UTP6: variants seen among roughly 807,000 people sequenced by gnomAD.
The protein encoded by UTP6 is U3 small nucleolar RNA-associated protein 6 homolog.
UTP6 carries 60 observed loss-of-function variants against 96.5 expected under a neutral mutation model. The observed-to-expected ratio is 0.62, with a 90% CI of 0.51 to 0.77. UTP6 has a LOEUF of 0.77. Ranked by LOEUF, UTP6 falls within the 30% of genes least tolerant of loss-of-function variation. UTP6 has a pLI of 0.00. For synonymous variants in UTP6, 215 were observed against 240.1 expected, an observed-to-expected ratio of 0.90 and a Z score of 0.96; for missense variants, 637 against 706.5, an observed-to-expected ratio of 0.90 and a Z score of 1.12.
Position 31,862,138 on chromosome 17 carries a change from A to T in UTP6, c.*1221T>A, listed in dbSNP as rs1341678686. ...ATGAAACCCCCGCACTACTAAAAAT[A>T]CAAAAATTGGCTGGGCGCGGTGGCG... On this transcript the variant is annotated 3_prime_UTR_variant, in exon 19 of 19. Transcript: ENST00000261708. 6.6e-6 allele frequency: 1 copy of T among 152,226 alleles called. No homozygotes were observed. The highest frequency in any genetic ancestry group is 1.5e-5 in the Non-Finnish European group (1 of 68,054). The allele number at this position is 152,226 out of a possible 1,614,324, so 9.4% of individuals were successfully genotyped here.
intron 16 of UTP6, among the ~76,000 whole-genome samples, chr17:31,868,507 T>G (rs1909971731): frequency 6.6e-6 from 1 of 151,798 alleles, no homozygotes; most frequent in African/African-American, 2.4e-5. Context: ...TTTTTGAAAT[T>G]TTTTGTAGAG....
At chr17:31,880,927 G>C (rs1253798319) in intron 10 of UTP6, among the ~76,000 whole-genome samples, 173 bp from the exon 11 acceptor site, 1 of 152,192 alleles carries the variant, frequency 6.6e-6, no homozygotes, top group East Asian at 1.9e-4. Context: ...TGGGAGACCA[G>C]CACTTTGGGA....
chr17:31,872,617 G>A (rs1341274152), intron 16 of UTP6, among the ~76,000 whole-genome samples: 5 of 151,758 alleles, frequency 3.3e-5, no homozygotes, highest in Admixed American at 2.0e-4. Flanking sequence ...TCAAGGCTTC[G>A]GTGAACCATG....
At chr17:31,881,208 GA>G (rs1179958522) in intron 10 of UTP6, among the ~76,000 whole-genome samples, 1 of 149,236 alleles carries the variant, frequency 6.7e-6, no homozygotes, top group African/African-American at 2.5e-5. Flanking sequence ...AGGCTCTCCA[GA>G]ATATGTTCAC....
intron 9 of UTP6, among the ~76,000 whole-genome samples, chr17:31,884,742 C>CAT (rs3084039): frequency 0.88 from 133,550 of 152,030 alleles, 58,937 homozygotes; most frequent in African/African-American, 0.97. Context: ...CAACTCCCCA[C>CAT]GATTTAATTA....
intron 14 of UTP6, among the ~76,000 whole-genome samples, chr17:31,874,774 T>C (rs974469197): frequency 3.3e-5 from 5 of 151,372 alleles, no homozygotes; most frequent in Non-Finnish European, 1.5e-5. Context: ...TCTACTAAAA[T>C]AGAAAATATT....
intron 13 of UTP6, among the ~76,000 whole-genome samples, chr17:31,876,817 G>C (rs1359790117): frequency 2.0e-5 from 3 of 151,772 alleles, no homozygotes; most frequent in African/African-American, 7.3e-5. Flanking sequence ...CTCAAGACCA[G>C]CTTAGCCAAC....
intron 2 of UTP6, among the ~76,000 whole-genome samples, chr17:31,898,258 C>T (rs981981954): frequency 3.9e-5 from 6 of 152,002 alleles, no homozygotes; most frequent in East Asian, 1.9e-4. Context: ...TGATGTTGGC[C>T]GGGCGTGGTG....
chr17:31,884,632 AG>A, intron 9 of UTP6, 127 bp from the exon 10 acceptor site: 1 of 728,240 alleles, frequency 1.4e-6, no homozygotes, highest in Admixed American at 3.1e-5. Flanking sequence ...AGAATAAAAT[AG>A]AAGAAAAGTC....
chr17:31,880,866 T>C lies in UTP6; in HGVS notation c.786-112A>G, dbSNP rs1285142516. ...CTACACAGGACATCCCTGTAACAAC[T>C]GCAGTACCATAAAAACTATTTCCCA... On this transcript the variant is annotated intron_variant, in intron 10 of 18. Transcript: ENST00000261708. The C allele has an allele frequency of 9.9e-6, 14 of 1,415,126 alleles. No individual in the cohort carries two copies. The South Asian group carries it at 1.3e-4, about 13-fold the overall frequency. 87.7% of individuals were successfully genotyped at this position (1,415,126 alleles called of 1,614,324 possible).
chr17:31,890,625 A>AG (rs1911434817), intron 6 of UTP6, among the ~76,000 whole-genome samples: 2 of 150,330 alleles, frequency 1.3e-5, no homozygotes, highest in South Asian at 4.2e-4. Flanking sequence ...GTCAAAAAAA[A>AG]AAGTCCAGAA....
intron 17 of UTP6, 99 bp from the exon 18 acceptor site, chr17:31,865,537 G>A: frequency 8.4e-7 from 1 of 1,188,776 alleles, no homozygotes; most frequent in Admixed American, 2.0e-5. Flanking sequence ...TCAGGTATTT[G>A]AAGGGAAGAG....
chr17:31,894,285 G>A (rs72821933), intron 4 of UTP6, among the ~76,000 whole-genome samples: 4,992 of 124,556 alleles, frequency 0.04, 91 homozygotes, highest in Non-Finnish European at 0.042. Context: ...AAAAAAAAAA[G>A]AAAAAAAAAA....
At position 31,863,133 on chromosome 17, in the gene UTP6, G is replaced by A. The variant is rs1909617179; in HGVS notation, c.*226C>T. 2 of 501,116 alleles carry A rather than the reference G, an allele frequency of 4.0e-6. No homozygotes were observed. Among genetic ancestry groups the A allele is most frequent in the African/African-American group, 1.9e-5 (1 of 52,138 alleles). The allele number at this position is 501,116 out of a possible 1,614,324, so 31.0% of individuals were successfully genotyped here. A position where few individuals can be genotyped will look rare whatever the true frequency, so the allele number is the denominator to read the frequency against. ...AGGTGAGAAGGTCACTTGAGTCCAG[G>A]AGTTCAAGACCAGCCAGGGCAACAG... On this transcript the variant is annotated 3_prime_UTR_variant, in exon 19 of 19. Transcript: ENST00000261708.
intron 3 of UTP6, 39 bp downstream of exon 3, chr17:31,894,931 C>G: frequency 6.5e-7 from 1 of 1,527,702 alleles, no homozygotes; most frequent in Non-Finnish European, 9.0e-7. Context: ...CTGCTTAGTT[C>G]TGTATTTTTC....
chr17:31,881,591 TGA>T (rs1303094235), intron 10 of UTP6, among the ~76,000 whole-genome samples: 2 of 152,212 alleles, frequency 1.3e-5, no homozygotes, highest in African/African-American at 4.8e-5. Flanking sequence ...CCACATTTAT[TGA>T]GTTTCAGAAT....
chr17:31,863,156 C>T lies in UTP6; in HGVS notation c.*203G>A. ...AGGAGTTCAAGACCAGCCAGGGCAACAGAGCAAGACCCAGTCTCAATCATA... is the reference window on the plus strand; with the variant it reads ...AGGAGTTCAAGACCAGCCAGGGCAATAGAGCAAGACCCAGTCTCAATCATA... On this transcript the variant is annotated 3_prime_UTR_variant, in exon 19 of 19. Coordinates refer to ENST00000261708, the MANE Select transcript of UTP6 (RefSeq NM_018428.3). The T allele has an allele frequency of 1.8e-6, 1 of 551,200 alleles. No individual in the cohort carries two copies. The highest frequency in any genetic ancestry group is 3.1e-6 in the Non-Finnish European group (1 of 318,828). 34.1% of individuals were successfully genotyped at this position (551,200 alleles called of 1,614,324 possible).
chr17:31,901,435 AG>A (rs1185377754), intron 1 of UTP6, 100 bp downstream of exon 1: 2 of 1,120,432 alleles, frequency 1.8e-6, no homozygotes, highest in African/African-American at 3.1e-5. Context: ...CGTTAGGAAA[AG>A]TAAACACAGG....
intron 10 of UTP6, among the ~76,000 whole-genome samples, chr17:31,882,021 GTGTGTGTGTGTT>G (rs1910872768): frequency 6.6e-6 from 1 of 151,958 alleles, no homozygotes; most frequent in Non-Finnish European, 1.5e-5. Context: ...TCGTTTGTGT[GTGTGTGTGTGTT>G]TGTGTGTGTG....
Sources: allele counts gnomAD v4.1 joint callset (sites outside exome capture counted in the v4.1 genomes callset), GRCh38; gene constraint gnomAD v4.1.1; transcripts MANE v1.5; gene names NCBI Gene and HGNC (gene_info 2026-07-23, HGNC 2026-07-21).